Variants in CSMD1 observed in about 807,000 individuals in gnomAD.
CSMD1 encodes CUB and sushi domain-containing protein 1.
A neutral mutation model predicts 417.5 loss-of-function variants in CSMD1; 213 were observed. The ratio of observed to expected loss-of-function variants is 0.51; its 90% CI spans 0.46 to 0.57. CSMD1 has a LOEUF of 0.57. Among genes scored for constraint, CSMD1 ranks in the 20% least tolerant of loss-of-function variants. The pLI is 0.00. For synonymous variants in CSMD1, 2,862 were observed against 1,736.8 expected (o/e 1.65, Z -16.11); for missense variants, 6,923 against 4,529.7 (o/e 1.53, Z -15.17).
chr8:4,319,446 C>A (rs115083991), intron 3 of CSMD1, among the ~76,000 whole-genome samples: 435 of 152,194 alleles, frequency 2.9e-3, no homozygotes, highest in African/African-American at 0.01. Context: ...TTTCCAAAAT[C>A]CAAATAATAG....
intron 49 of CSMD1, among the ~76,000 whole-genome samples, chr8:3,071,907 G>A (rs1277984865): frequency 6.6e-6 from 1 of 152,152 alleles, no homozygotes; most frequent in East Asian, 1.9e-4. Context: ...AAACTCCTGT[G>A]CCCCTCAGTT....
chr8:3,354,906 T>C, intron 21 of CSMD1, among the ~76,000 whole-genome samples: 1 of 150,646 alleles, frequency 6.6e-6, no homozygotes, highest in African/African-American at 2.4e-5. Flanking sequence ...TATAGATCTA[T>C]CTATAGATAT....
chr8:3,471,061 G>A (rs1445122397), intron 11 of CSMD1, among the ~76,000 whole-genome samples: 3 of 152,152 alleles, frequency 2.0e-5, no homozygotes, highest in South Asian at 2.1e-4. Flanking sequence ...GCTGCATTGT[G>A]AAATCATGTT....
chr8:4,219,385 T>C (rs1201562234), intron 3 of CSMD1, among the ~76,000 whole-genome samples: 1 of 152,186 alleles, frequency 6.6e-6, no homozygotes, highest in Non-Finnish European at 1.5e-5. Flanking sequence ...AAGTGCTCAA[T>C]AAATATTTAT....
intron 1 of CSMD1, among the ~76,000 whole-genome samples, chr8:4,934,628 C>T (rs11989308): frequency 8.6e-4 from 125 of 144,898 alleles, no homozygotes; most frequent in African/African-American, 3.0e-3. Context: ...ACTTATCTAC[C>T]TATCTATATA....
chr8:3,033,067 T>C (rs1280606053), intron 50 of CSMD1, among the ~76,000 whole-genome samples: 2 of 151,986 alleles, frequency 1.3e-5, no homozygotes, highest in Admixed American at 6.6e-5. Flanking sequence ...TCATTCCTTG[T>C]TCTCTTCCAA....
At position 4,138,607 on chromosome 8, in the gene CSMD1, C is replaced by CA. The variant is rs1253213278; in HGVS notation, c.416-106509dup. Among the ~76,000 whole-genome samples, 8 of 142,884 alleles carry CA rather than the reference C, an allele frequency of 5.6e-5. No homozygotes were observed. In the East Asian group the frequency reaches 5.9e-4, roughly 11 times the overall value. The allele number at this position is 142,884 out of a possible 152,430, so 93.7% of individuals were successfully genotyped here. On this transcript the variant is annotated intron_variant, in intron 3 of 69. Coordinates refer to ENST00000635120, the MANE Select transcript of CSMD1 (RefSeq NM_033225.6). ...TTCTTAGAAATTCAAGAAAGCAAAACAAAAAAAATTAAACAAAGGAAAAAA... is the reference window on the plus strand; with the variant it reads ...TTCTTAGAAATTCAAGAAAGCAAAACAAAAAAAAATTAAACAAAGGAAAAAA...
At chr8:3,384,787 T>A (rs1360209890) in intron 18 of CSMD1, among the ~76,000 whole-genome samples, 46 of 123,522 alleles carry the variant, frequency 3.7e-4, no homozygotes, top group Admixed American at 1.7e-3. Flanking sequence ...ATATAATATA[T>A]ATTAATATAT....
chr8:3,452,942 G>A (rs1029303465), intron 12 of CSMD1, among the ~76,000 whole-genome samples: 13 of 152,072 alleles, frequency 8.5e-5, no homozygotes, highest in South Asian at 4.2e-4. Context: ...GAATCCATCC[G>A]TTTCTGGACT....
chr8:3,648,838 T>C (rs1366846899), intron 7 of CSMD1, among the ~76,000 whole-genome samples: 1 of 152,214 alleles, frequency 6.6e-6, no homozygotes, highest in East Asian at 1.9e-4. Flanking sequence ...TTTACTGTCT[T>C]ATGTTATGTT....
Position 2,981,661 on chromosome 8 carries a change from T to G in CSMD1, c.8378-2861A>C, listed in dbSNP as rs655535. On this transcript the variant is annotated intron_variant, in intron 54 of 69. Coordinates refer to ENST00000635120, the MANE Select transcript of CSMD1 (RefSeq NM_033225.6). ...CGTGGATTTTGTCAGCTGGAAGGAA[T>G]GAGAACATGATGTCTTATATACATT... is the stretch of plus-strand genomic sequence containing the variant. Among the ~76,000 whole-genome samples, 483 of 152,226 alleles carry G rather than the reference T, an allele frequency of 3.2e-3. 4 individuals carry two copies. The highest frequency in any genetic ancestry group is 0.011 in the African/African-American group (470 of 41,534).
At position 4,845,929 on chromosome 8, in the gene CSMD1, T is replaced by C. The variant is rs530494477; in HGVS notation, c.85+148403A>G. On this transcript the variant is annotated intron_variant, in intron 1 of 69. Coordinates refer to ENST00000635120, the MANE Select transcript of CSMD1 (RefSeq NM_033225.6). Reference sequence around the variant, plus strand: ...ACAAGGTTACGCTAGCCTATGAACTTTGCCTATTTTGCATACACTTACAAA... The same window carrying C: ...ACAAGGTTACGCTAGCCTATGAACTCTGCCTATTTTGCATACACTTACAAA... Among the ~76,000 whole-genome samples, 5 of 152,350 alleles carry C rather than the reference T, an allele frequency of 3.3e-5. No individual in the cohort carries two copies. The South Asian group carries it at 1.0e-3, about 32-fold the overall frequency.
intron 2 of CSMD1, among the ~76,000 whole-genome samples, chr8:4,572,868 A>G (rs967330346): frequency 4.0e-5 from 6 of 151,834 alleles, no homozygotes; most frequent in African/African-American, 1.2e-4. Context: ...CATTAAGTTG[A>G]TCTTCAATCG....
chr8:4,251,339 A>G (rs930513769), intron 3 of CSMD1, among the ~76,000 whole-genome samples: 2 of 152,322 alleles, frequency 1.3e-5, no homozygotes, highest in East Asian at 1.9e-4. Flanking sequence ...GCCACATTTA[A>G]TAAAATGTAA....
chr8:4,407,971 C>T (rs1026948536), intron 3 of CSMD1, among the ~76,000 whole-genome samples: 4 of 152,162 alleles, frequency 2.6e-5, no homozygotes, highest in South Asian at 2.1e-4. Flanking sequence ...CTCCTACACC[C>T]GGCAAAAATC....
At chr8:4,580,027 G>A (rs1381497233) in intron 2 of CSMD1, among the ~76,000 whole-genome samples, 1 of 152,042 alleles carries the variant, frequency 6.6e-6, no homozygotes, top group African/African-American at 2.4e-5. Context: ...CATCTTTATA[G>A]TAGTAACTGT....
intron 12 of CSMD1, among the ~76,000 whole-genome samples, chr8:3,433,547 A>G (rs1814359444): frequency 6.6e-6 from 1 of 151,942 alleles, no homozygotes; most frequent in South Asian, 2.1e-4. Flanking sequence ...GTTCTTTCGG[A>G]CAGTCTAAAT....
At chr8:4,664,658 G>A (rs1804806245) in intron 1 of CSMD1, among the ~76,000 whole-genome samples, 2 of 152,124 alleles carry the variant, frequency 1.3e-5, no homozygotes, top group Admixed American at 1.3e-4. Flanking sequence ...AAATTCACAT[G>A]TGCTTATTAT....
intron 3 of CSMD1, among the ~76,000 whole-genome samples, chr8:4,401,060 C>G (rs1289319933): frequency 1.3e-5 from 2 of 152,024 alleles, no homozygotes; most frequent in East Asian, 1.9e-4. Context: ...ATATGATATA[C>G]TTGATTTTAA....
Sources: gnomAD v4.1 joint callset for allele counts (sites outside exome capture counted in the v4.1 genomes callset) on GRCh38, gnomAD v4.1.1 for gene constraint, MANE v1.5 for transcripts, NCBI Gene and HGNC (gene_info 2026-07-23, HGNC 2026-07-21) for gene names.